TRIM7: variants seen among roughly 807,000 people sequenced by gnomAD.
TRIM7 encodes tripartite motif containing 7.
In TRIM7, 32 loss-of-function variants were observed where a neutral mutation model predicts 37.9. The ratio of observed to expected loss-of-function variants is 0.84; its 90% CI spans 0.64 to 1.13. TRIM7 has a LOEUF of 1.13. TRIM7 is among the 50% of genes most tolerant of loss of function. The pLI, the probability that TRIM7 is intolerant of heterozygous loss-of-function variation, is 0.00. For synonymous variants in TRIM7, 351 were observed against 321.3 expected (o/e 1.09, Z -0.99); for missense variants, 732 against 714.0 (o/e 1.03, Z -0.29).
chr5:181,203,718 C>T, intron 1 of TRIM7, 78 bp from the exon 2 acceptor site: 1 of 1,531,794 alleles, frequency 6.5e-7, no homozygotes, highest in East Asian at 2.3e-5. Flanking sequence ...CTGGAGCCAG[C>T]CAGGAGAAAG....
intron 1 of TRIM7, 159 bp from the exon 2 acceptor site, chr5:181,203,799 G>C: frequency 7.2e-7 from 1 of 1,395,278 alleles, no homozygotes; most frequent in Non-Finnish European, 9.3e-7. Context: ...ACACTGCGAG[G>C]TGACTCTGAA....
chr5:181,198,144 G>T (rs755691675), intron 6 of TRIM7, 39 bp downstream of exon 6: 2 of 1,611,442 alleles, frequency 1.2e-6, no homozygotes, highest in South Asian at 2.2e-5. Context: ...TCTCTGTGTG[G>T]CAGACAGTCC....
intron 3 of TRIM7, 52 bp downstream of exon 3, chr5:181,199,799 G>T: frequency 6.4e-7 from 1 of 1,553,736 alleles, no homozygotes; most frequent in African/African-American, 1.4e-5. Context: ...CTAGCTGCTG[G>T]TCCTGATGCC....
chr5:181,201,860 C>G (rs1757508744), intron 2 of TRIM7, among the ~76,000 whole-genome samples: 1 of 152,176 alleles, frequency 6.6e-6, no homozygotes, highest in Non-Finnish European at 1.5e-5. Flanking sequence ...GCCGCCGGTG[C>G]CAGGGAAGGC....
At chr5:181,204,136 A>C in intron 1 of TRIM7, 1 of 999,142 alleles carries the variant, frequency 1.0e-6, no homozygotes, top group Non-Finnish European at 1.2e-6. Context: ...CTCCCTGGAC[A>C]TCTTGGCGAG....
rs367846710 is a variant in TRIM7, at chr5:181,195,617, T to A, written c.1085A>T (p.Lys362Met). The change falls in exon 7 of 7, where the codon AAG (lysine) becomes ATG (methionine). Residue 362 changes from lysine to methionine, a missense_variant. Lys to Met is a moderately conservative substitution (Grantham distance 95, BLOSUM62 -1). Transcript: ENST00000274773. ...GGCCCGCTCGCCGAGGCGCACGCCC[T>A]TAAGATCCAGAGAGAGGATGAGGCG... is the stretch of plus-strand genomic sequence containing the variant. The part of the protein sequence containing the change: ...NPRLILSLDL[K>M]GVRLGERAQD... The A allele has an allele frequency of 2.3e-5, 36 of 1,569,666 alleles. No homozygotes were observed. In the African/African-American group the frequency reaches 2.9e-4, roughly 12 times the overall value.
chr5:181,203,917 C>T lies in TRIM7; in HGVS notation c.523-277G>A, dbSNP rs1757664519. ...GTCTCCTCTACTCTCCGCCCCCCCACCAGGAAGCCCCGTGGCTGGGAGAGT... is the reference window on the plus strand; with the variant it reads ...GTCTCCTCTACTCTCCGCCCCCCCATCAGGAAGCCCCGTGGCTGGGAGAGT... On this transcript the variant is annotated intron_variant, in intron 1 of 6. Coordinates refer to ENST00000274773, the MANE Select transcript of TRIM7 (RefSeq NM_203293.3). 26 of 1,180,538 alleles carry T rather than the reference C, an allele frequency of 2.2e-5. 1 individual carries two copies. The highest frequency in any genetic ancestry group is 2.7e-5 in the Non-Finnish European group (26 of 951,484). The allele number at this position is 1,180,538 out of a possible 1,614,324, so 73.1% of individuals were successfully genotyped here. A position where few individuals can be genotyped will look rare whatever the true frequency, so the allele number is the denominator to read the frequency against.
At chr5:181,200,407 G>A (rs1757410496) in intron 2 of TRIM7, 1 of 1,348,378 alleles carries the variant, frequency 7.4e-7, no homozygotes, top group African/African-American at 1.5e-5. Context: ...AAAGCAGAAG[G>A]GATAAATTAG....
Position 181,198,718 on chromosome 5 carries a change from G to A in TRIM7, c.960C>T (p.Val320=). Residue 320 remains valine, a synonymous_variant, in exon 5 of 7, where the codon GTC becomes GTT. Coordinates refer to ENST00000274773, the MANE Select transcript of TRIM7 (RefSeq NM_203293.3). Reference sequence around the variant, plus strand: ...TGAACTTCTTCAGCATCCCTTTTAAGACAAAGGTCTTGAGAGAAACATTCC... The same window carrying A: ...TGAACTTCTTCAGCATCCCTTTTAAAACAAAGGTCTTGAGAGAAACATTCC... ...KVWNVSLKTF[V]LKGMLKKFKE... The A allele has an allele frequency of 6.2e-7, 1 of 1,614,012 alleles. No individual in the cohort carries two copies. Among genetic ancestry groups the A allele is most frequent in the Non-Finnish European group, 8.5e-7 (1 of 1,179,918 alleles).
intron 2 of TRIM7, chr5:181,202,388 A>T (rs1288635140): frequency 2.0e-5 from 3 of 151,954 alleles, no homozygotes; most frequent in African/African-American, 7.3e-5. Flanking sequence ...CATGTTGGTC[A>T]GGCTGGTCTG....
rs920880092 is a variant in TRIM7 at position 181,205,191 on chromosome 5, C to T, written c.-81G>A. 2 of 1,247,804 alleles carry T rather than the reference C, an allele frequency of 1.6e-6. No individual in the cohort carries two copies. The highest frequency in any genetic ancestry group is 4.2e-5 in the Admixed American group (1 of 23,714). The allele number at this position is 1,247,804 out of a possible 1,614,324, so 77.3% of individuals were successfully genotyped here. Reference sequence around the variant, plus strand: ...AGGACGCGGAGCTGGGCGCCGAGGGCCCACTGGGAGAGGAAGGGCGGGGCT... The same window carrying T: ...AGGACGCGGAGCTGGGCGCCGAGGGTCCACTGGGAGAGGAAGGGCGGGGCT... On this transcript the variant is annotated 5_prime_UTR_variant, in exon 1 of 7. Transcript: ENST00000274773.
chr5:181,195,981 G>C, intron 6 of TRIM7: 1 of 367,534 alleles, frequency 2.7e-6, no homozygotes, highest in Non-Finnish European at 4.9e-6. Context: ...TCATTAATCT[G>C]TCCAGGTGTG....
intron 2 of TRIM7, 193 bp downstream of exon 2, chr5:181,203,352 C>A (rs901019011): frequency 1.4e-6 from 2 of 1,406,892 alleles, no homozygotes. Context: ...TTTAGCACTG[C>A]TTTTCACTTT....
intron 2 of TRIM7, chr5:181,202,501 C>G (rs553751660): frequency 6.6e-6 from 1 of 150,516 alleles, no homozygotes; most frequent in South Asian, 2.1e-4. Flanking sequence ...CTTTCAACAC[C>G]TATTTACTGA....
chr5:181,204,215 G>T, intron 1 of TRIM7: 1 of 1,032,382 alleles, frequency 9.7e-7, no homozygotes, highest in South Asian at 4.5e-5. Flanking sequence ...AGATAAGAGT[G>T]GGGGCAGCGG....
intron 2 of TRIM7, chr5:181,202,664 T>C (rs1757568855): frequency 6.6e-6 from 1 of 151,674 alleles, no homozygotes; most frequent in African/African-American, 2.4e-5. Context: ...CCTCCCGGGT[T>C]CACACCATTC....
In TRIM7 at chr5:181,205,057, C is replaced by T; in HGVS notation, c.54G>A (p.Ala18=). Residue 18 remains alanine, a synonymous_variant, in exon 1 of 7, where the codon GCG becomes GCA. Coordinates refer to ENST00000274773, the MANE Select transcript of TRIM7 (RefSeq NM_203293.3). ...TGPGTGAEAL[A]LAAELQGEAT... is the part of the protein sequence containing the mutation. ...CCTCGCCCTGCAGCTCTGCCGCCAG[C>T]GCTAGAGCCTCGGCGCCGGTTCCGG... 7.2e-7 allele frequency: 1 copy of T among 1,389,304 alleles called. No individual in the cohort carries two copies. Among genetic ancestry groups the T allele is most frequent in the Non-Finnish European group, 9.3e-7 (1 of 1,076,750 alleles). The allele number at this position is 1,389,304 out of a possible 1,614,324, so 86.1% of individuals were successfully genotyped here.
At chr5:181,199,642 C>T (rs1485186043) in intron 3 of TRIM7, 19 of 714,682 alleles carry the variant, frequency 2.7e-5, no homozygotes, top group Admixed American at 1.0e-4. Flanking sequence ...TTCTGAAATA[C>T]GATATATATT....
At chr5:181,201,739 A>G (rs1757499629) in intron 2 of TRIM7, among the ~76,000 whole-genome samples, 1 of 152,342 alleles carries the variant, frequency 6.6e-6, no homozygotes, top group East Asian at 1.9e-4. Context: ...GCAAAGCAAA[A>G]CAAAACAACA....
Sources: gnomAD v4.1 joint callset for allele counts (sites outside exome capture counted in the v4.1 genomes callset) on GRCh38, gnomAD v4.1.1 for gene constraint, MANE v1.5 for transcripts, NCBI Gene and HGNC (gene_info 2026-07-23, HGNC 2026-07-21) for gene names.